WWTR1: variants seen among roughly 807,000 people sequenced by gnomAD.
WWTR1 encodes the protein WW domain-containing transcription regulator protein 1.
WWTR1 carries 13 observed loss-of-function variants against 40.1 expected under a neutral mutation model. The ratio of observed to expected loss-of-function variants is 0.32; its 90% confidence interval spans 0.21 to 0.52. The LOEUF (loss-of-function observed/expected upper bound fraction) is 0.52. Among genes scored for constraint, WWTR1 ranks in the 20% least tolerant of loss-of-function variants. The probability of loss-of-function intolerance (pLI) is 0.97; values close to 1 mark genes in which losing one functional copy is unlikely to be tolerated. For synonymous variants in WWTR1, 230 were observed against 210.1 expected (o/e 1.09, Z -0.82); for missense variants, 436 against 523.1 (o/e 0.83, Z 1.63).
At chr3:149,561,294 C>A (rs1042725665) in intron 3 of WWTR1, among the ~76,000 whole-genome samples, 2 of 151,264 alleles carry the variant, frequency 1.3e-5, no homozygotes, top group Non-Finnish European at 2.9e-5. Context: ...GGTTTATGAA[C>A]AAAAGAAGTA....
At chr3:149,595,830 G>A (rs923174448) in intron 2 of WWTR1, among the ~76,000 whole-genome samples, 1 of 152,114 alleles carries the variant, frequency 6.6e-6, no homozygotes, top group Non-Finnish European at 1.5e-5. Flanking sequence ...TCAGGAGCTC[G>A]AGACCAGCCT....
chr3:149,587,622 T>C (rs1738490261), intron 2 of WWTR1, among the ~76,000 whole-genome samples: 1 of 152,192 alleles, frequency 6.6e-6, no homozygotes, highest in Non-Finnish European at 1.5e-5. Context: ...CTTTGATTAA[T>C]GTATTAATTC....
At chr3:149,587,903 G>A (rs1009064046) in intron 2 of WWTR1, among the ~76,000 whole-genome samples, 18 of 152,166 alleles carry the variant, frequency 1.2e-4, no homozygotes, top group Middle Eastern at 3.4e-3. Flanking sequence ...GGTTATTCTC[G>A]CATATTACTA....
intron 2 of WWTR1, among the ~76,000 whole-genome samples, chr3:149,584,003 A>C (rs1030962533): frequency 6.6e-6 from 1 of 152,234 alleles, no homozygotes; most frequent in Admixed American, 6.5e-5. Flanking sequence ...AAAAGAAGTT[A>C]GTATTTTAGA....
intron 3 of WWTR1, among the ~76,000 whole-genome samples, chr3:149,568,812 G>C (rs1239362510): frequency 6.6e-6 from 1 of 152,190 alleles, no homozygotes; most frequent in Non-Finnish European, 1.5e-5. Context: ...TGTCGCCCAG[G>C]CTGGAGTGCA....
At chr3:149,541,532 A>T (rs542163922) in intron 4 of WWTR1, among the ~76,000 whole-genome samples, 1 of 151,540 alleles carries the variant, frequency 6.6e-6, no homozygotes, top group East Asian at 2.0e-4. Flanking sequence ...CCTCTTTTTC[A>T]TGCTCTGTGG....
chr3:149,659,460 G>C (rs1713470086), upstream of WWTR1: 1 of 150,050 alleles, frequency 6.7e-6, no homozygotes. Flanking sequence ...TGCCTCCCAA[G>C]TAGCTAGGAT....
chr3:149,721,582 T>C (rs1180613105), intron 4 of WWTR1, among the ~76,000 whole-genome samples: 1 of 152,240 alleles, frequency 6.6e-6, no homozygotes, highest in East Asian at 1.9e-4. Context: ...TTGTAGAGTC[T>C]TTGTCTGGCT....
intron 1 of WWTR1, among the ~76,000 whole-genome samples, chr3:149,680,931 C>T (rs989799124): frequency 1.3e-5 from 2 of 152,170 alleles, no homozygotes; most frequent in African/African-American, 2.4e-5. Context: ...TACATACTTA[C>T]AAACATTTTG....
chr3:149,645,969 A>G (rs1467585931), intron 2 of WWTR1, among the ~76,000 whole-genome samples: 1 of 152,218 alleles, frequency 6.6e-6, no homozygotes, highest in African/African-American at 2.4e-5. Flanking sequence ...TTTTAAAACA[A>G]TGAGTTACTG....
At chr3:149,651,602 A>G (rs1375335038) in intron 2 of WWTR1, among the ~76,000 whole-genome samples, 1 of 152,256 alleles carries the variant, frequency 6.6e-6, no homozygotes, top group Admixed American at 6.5e-5. Context: ...TAAGAAAGTC[A>G]TGGTCCAAAT....
chr3:149,660,311 C>T (rs1208698003), upstream of WWTR1: 3 of 152,152 alleles, frequency 2.0e-5, no homozygotes, highest in South Asian at 2.1e-4. Flanking sequence ...TCCTCACTCC[C>T]GAAGAAAGGT....
chr3:149,584,018 C>T (rs1394857819), intron 2 of WWTR1, among the ~76,000 whole-genome samples: 2 of 152,148 alleles, frequency 1.3e-5, no homozygotes, highest in Non-Finnish European at 2.9e-5. Context: ...TTTAGAGTAG[C>T]CACTAAGCTA....
At chr3:149,548,775 G>A (rs191040329) in intron 3 of WWTR1, among the ~76,000 whole-genome samples, 7 of 152,172 alleles carry the variant, frequency 4.6e-5, no homozygotes, top group South Asian at 2.1e-4. Context: ...CTCTCCTTTC[G>A]ACAACAAACT....
intron 3 of WWTR1, among the ~76,000 whole-genome samples, chr3:149,546,113 A>G (rs62269312): frequency 0.16 from 24,932 of 152,144 alleles, 2,427 homozygotes; most frequent in Non-Finnish European, 0.22. Context: ...AGTCTTTAAA[A>G]CACTTGCCCC....
At chr3:149,642,446 C>A (rs769206956) in intron 2 of WWTR1, among the ~76,000 whole-genome samples, 1 of 150,644 alleles carries the variant, frequency 6.6e-6, no homozygotes, top group African/African-American at 2.5e-5. Context: ...CACGAAAGTA[C>A]GAATACCCAA....
rs1713343735 is a variant in WWTR1 at position 149,657,798 on chromosome 3, G to A, written c.-37C>T. The A allele has an allele frequency of 6.4e-6, 1 of 156,320 alleles. No individual in the cohort carries two copies. Among genetic ancestry groups the A allele is most frequent in the African/African-American group, 2.4e-5 (1 of 41,486 alleles). 9.7% of individuals were successfully genotyped at this position (156,320 alleles called of 1,614,324 possible). On this transcript the variant is annotated 5_prime_UTR_variant, in exon 1 of 7. Transcript: ENST00000360632. ...GCAGCGAAGCTGAGCCTGAGCGCGC[G>A]GCGGCCGCCGTCCCGCCCGAACTTG...
chr3:149,688,193 C>A (rs1336723783), intron 1 of WWTR1, among the ~76,000 whole-genome samples: 2 of 151,894 alleles, frequency 1.3e-5, no homozygotes, highest in Non-Finnish European at 2.9e-5. Context: ...CCACCCTGGG[C>A]CAGAAGGGAA....
chr3:149,601,454 T>C (rs1397860505), intron 2 of WWTR1, among the ~76,000 whole-genome samples: 1 of 152,186 alleles, frequency 6.6e-6, no homozygotes, highest in Non-Finnish European at 1.5e-5. Flanking sequence ...TGCCTCAGCC[T>C]CCCAAAATGC....
Sources: gnomAD v4.1 joint callset for allele counts (sites outside exome capture counted in the v4.1 genomes callset) on GRCh38, gnomAD v4.1.1 for gene constraint, MANE v1.5 for transcripts, NCBI Gene and HGNC (gene_info 2026-07-23, HGNC 2026-07-21) for gene names.